ADAMTS19: variants seen among roughly 807,000 people sequenced by gnomAD.
ADAMTS19 encodes the protein A disintegrin and metalloproteinase with thrombospondin motifs 19.
ADAMTS19 carries 93 observed loss-of-function variants against 153.3 expected under a neutral mutation model. The observed-to-expected ratio is 0.61, with a 90% CI of 0.51 to 0.72. ADAMTS19 has a LOEUF of 0.72. Ranked by LOEUF, ADAMTS19 falls within the 30% of genes least tolerant of loss-of-function variation. The probability of loss-of-function intolerance (pLI) is 0.00; values close to 1 mark genes in which losing one functional copy is unlikely to be tolerated. For synonymous variants in ADAMTS19, 600 were observed against 556.6 expected (o/e 1.08, Z -1.10); for missense variants, 1,482 against 1,552.1 (o/e 0.95, Z 0.76).
chr5:129,737,579 T>C lies in ADAMTS19; in HGVS notation c.*361T>C, dbSNP rs1258501896. 1 of 155,442 alleles carries C rather than the reference T, an allele frequency of 6.4e-6. No individual in the cohort carries two copies. Among genetic ancestry groups the C allele is most frequent in the East Asian group, 1.9e-4 (1 of 5,308 alleles). 9.6% of individuals were successfully genotyped at this position (155,442 alleles called of 1,614,324 possible). ...ATAACATTGAATTATCCAGAATGTA[T>C]ACTGACTTAGCATAATAGTTTAGGT... is the stretch of plus-strand genomic sequence containing the variant. On this transcript the variant is annotated 3_prime_UTR_variant, in exon 23 of 23. Transcript: ENST00000274487.
At position 129,701,588 on chromosome 5, in the gene ADAMTS19, C is replaced by T; in HGVS notation, c.3155C>T (p.Ser1052Phe). Reference sequence around the variant, plus strand: ...ACCGTGTGGGAGGCGGGAGTGTGGTCTGAGGTGCATACATGCCCCCTTTCT... The same window carrying T: ...ACCGTGTGGGAGGCGGGAGTGTGGTTTGAGGTGCATACATGCCCCCTTTCT... ...CMTVWEAGVWSECSVKCGKGI... is the reference protein window; with the variant it reads ...CMTVWEAGVWFECSVKCGKGI... Residue 1052 changes from serine to phenylalanine, a missense_variant, in exon 20 of 23, where the codon TCT (serine) becomes TTT (phenylalanine). Coordinates refer to ENST00000274487, the MANE Select transcript of ADAMTS19 (RefSeq NM_133638.6). 1 of 1,614,118 alleles carries T rather than the reference C, an allele frequency of 6.2e-7. No homozygotes were observed. The highest frequency in any genetic ancestry group is 1.7e-5 in the Admixed American group (1 of 60,022).
At chr5:129,490,851 A>AC (rs1554086553) in intron 2 of ADAMTS19, among the ~76,000 whole-genome samples, 1 of 149,136 alleles carries the variant, frequency 6.7e-6, no homozygotes, top group Non-Finnish European at 1.5e-5. Context: ...TTGTTTTTCG[A>AC]TTTTTTTTTT....
At chr5:129,534,497 A>C (rs768928233) in intron 6 of ADAMTS19, among the ~76,000 whole-genome samples, 30 of 152,172 alleles carry the variant, frequency 2.0e-4, no homozygotes, top group Non-Finnish European at 3.5e-4. Flanking sequence ...CAGAGGTACA[A>C]GGAGGAGCTG....
chr5:129,635,334 G>A (rs544937939), intron 10 of ADAMTS19, among the ~76,000 whole-genome samples: 3 of 152,282 alleles, frequency 2.0e-5, no homozygotes, highest in Admixed American at 2.0e-4. Flanking sequence ...CAACCATTGT[G>A]GAAAACAGTG....
At chr5:129,533,946 C>A (rs1164230566) in intron 6 of ADAMTS19, among the ~76,000 whole-genome samples, 3 of 152,084 alleles carry the variant, frequency 2.0e-5, no homozygotes, top group Admixed American at 2.0e-4. Context: ...TTTGATTGCA[C>A]TGTGGTCTGA....
At position 129,534,116 on chromosome 5, in the gene ADAMTS19, T is replaced by A. The variant is rs141781045; in HGVS notation, c.1328+5439T>A. Among the ~76,000 whole-genome samples, 117 of 152,260 alleles carry A rather than the reference T, an allele frequency of 7.7e-4. No homozygotes were observed. The East Asian group carries it at 0.022, about 29-fold the overall frequency. On this transcript the variant is annotated intron_variant, in intron 6 of 22. Coordinates refer to ENST00000274487, the MANE Select transcript of ADAMTS19 (RefSeq NM_133638.6). ...TCTGTAGATGTCTATTAGGTCTGCT[T>A]GGTATAGAGCTGAGTCCAATTCCTG...
At chr5:129,736,962 C>T in intron 22 of ADAMTS19, 105 bp from the exon 23 acceptor site, 1 of 1,125,684 alleles carries the variant, frequency 8.9e-7, no homozygotes, top group Non-Finnish European at 1.2e-6. Context: ...TATAAATGAA[C>T]CAAAGAGAGT....
intron 2 of ADAMTS19, among the ~76,000 whole-genome samples, chr5:129,479,284 G>A (rs1750331716): frequency 6.6e-6 from 1 of 152,152 alleles, no homozygotes; most frequent in South Asian, 2.1e-4. Flanking sequence ...AATAAGTATA[G>A]GAGTAGAAAT....
At chr5:129,631,408 A>G (rs1752284800) in intron 10 of ADAMTS19, among the ~76,000 whole-genome samples, 1 of 151,922 alleles carries the variant, frequency 6.6e-6, no homozygotes, top group South Asian at 2.1e-4. Context: ...TATTATGTGT[A>G]TGGATGTTCT....
chr5:129,672,619 G>A (rs550469405), intron 16 of ADAMTS19, among the ~76,000 whole-genome samples: 77 of 152,186 alleles, frequency 5.1e-4, no homozygotes, highest in Non-Finnish European at 9.3e-4. Context: ...CACAAAAGGT[G>A]GAAGAAAGAA....
At chr5:129,673,128 A>G (rs1382103258) in intron 16 of ADAMTS19, among the ~76,000 whole-genome samples, 1 of 152,094 alleles carries the variant, frequency 6.6e-6, no homozygotes, top group Non-Finnish European at 1.5e-5. Flanking sequence ...TCAAATAACC[A>G]ACTCTTGGTG....
chr5:129,566,854 A>G (rs994921537), intron 7 of ADAMTS19, among the ~76,000 whole-genome samples: 1 of 152,110 alleles, frequency 6.6e-6, no homozygotes, highest in Non-Finnish European at 1.5e-5. Context: ...CTTTAATCCC[A>G]TGAGGATGGG....
chr5:129,509,242 G>A lies in ADAMTS19; in HGVS notation c.913G>A (p.Asp305Asn). The A allele has an allele frequency of 2.5e-6, 4 of 1,605,688 alleles. No homozygotes were observed. Among genetic ancestry groups the A allele is most frequent in the Non-Finnish European group, 3.4e-6 (4 of 1,176,120 alleles). Residue 305 changes from aspartate to asparagine, a missense_variant and splice_region_variant, in exon 3 of 23, where the codon GAT becomes AAT. By Grantham distance (23) the Asp-to-Asn change is conservative. This residue lies in a region of ADAMTS19 where 866 missense variants were observed against 827.7 expected (regional missense o/e 1.05). Transcript: ENST00000274487. ...LHSHYCGIISDKGRPRSRKIA... is the reference protein window; with the variant it reads ...LHSHYCGIISNKGRPRSRKIA... ...CAGTCATTACTGTGGTATCATTTCA[G>A]GTAAATGCCTTCTCCTGAAAGAGTT...
intron 21 of ADAMTS19, among the ~76,000 whole-genome samples, chr5:129,733,474 G>T (rs565047306): frequency 6.6e-6 from 1 of 151,652 alleles, no homozygotes; most frequent in South Asian, 2.1e-4. Flanking sequence ...AAAACAACTA[G>T]CCCCATTAAA....
At chr5:129,467,051 C>T (rs1339204278) in intron 2 of ADAMTS19, among the ~76,000 whole-genome samples, 1 of 152,122 alleles carries the variant, frequency 6.6e-6, no homozygotes, top group African/African-American at 2.4e-5. Context: ...ACGTATTTTG[C>T]ACTCAGATTT....
At chr5:129,719,008 G>A (rs572025766) in intron 21 of ADAMTS19, among the ~76,000 whole-genome samples, 2 of 152,088 alleles carry the variant, frequency 1.3e-5, no homozygotes, top group Non-Finnish European at 2.9e-5. Context: ...CTAGAAGTAA[G>A]GAATCTTGGG....
chr5:129,705,035 C>A (rs1414177667), intron 21 of ADAMTS19, among the ~76,000 whole-genome samples: 1 of 151,996 alleles, frequency 6.6e-6, no homozygotes, highest in African/African-American at 2.4e-5. Flanking sequence ...ACTAATAAAA[C>A]CCATGTTTTA....
chr5:129,527,671 C>T, intron 4 of ADAMTS19, 77 bp from the exon 5 acceptor site: 3 of 486,668 alleles, frequency 6.2e-6, no homozygotes, highest in South Asian at 2.6e-5. Context: ...ATTGAGACAT[C>T]TCCATGTATG....
Position 129,599,897 on chromosome 5 carries a change from A to T in ADAMTS19, c.1478+3233A>T, listed in dbSNP as rs543620261. 1.4e-3 allele frequency among the ~76,000 whole-genome samples: 219 copies of T among 152,310 alleles called. 4 individuals are homozygous for T. The highest frequency in any genetic ancestry group is 5.0e-3 in the African/African-American group (208 of 41,572). On this transcript the variant is annotated intron_variant, in intron 8 of 22. Coordinates refer to ENST00000274487, the MANE Select transcript of ADAMTS19 (RefSeq NM_133638.6). ...GTGATATATGTTAAACTACCCCTTT[A>T]CTAAAAATTCCCCATAGCAGTAAGC...
Sources: gnomAD v4.1 joint callset for allele counts (sites outside exome capture counted in the v4.1 genomes callset) on GRCh38, gnomAD v4.1.1 for gene constraint, gnomAD v4.1.1 regional missense constraint, MANE v1.5 for transcripts, NCBI Gene and HGNC (gene_info 2026-07-23, HGNC 2026-07-21) for gene names.